The following FKBP11 variants were observed in gnomAD, a reference collection of about 807,000 sequenced individuals.
FKBP11 encodes the protein FKBP prolyl isomerase 11.
In FKBP11, 21 loss-of-function variants were observed where a neutral mutation model predicts 24.7. That is an observed-to-expected ratio of 0.85 (90% CI 0.60 to 1.23). The LOEUF (loss-of-function observed/expected upper bound fraction) is 1.23, where lower values mean the gene tolerates loss of function less well. Among genes scored for constraint, FKBP11 ranks in the 50% most tolerant of loss-of-function variants. The pLI, the probability that FKBP11 is intolerant of heterozygous loss-of-function variation, is 0.00. For missense variants in FKBP11, 245 were observed against 248.7 expected (o/e 0.99, Z 0.10); for synonymous variants, 106 against 100.6 (o/e 1.05, Z -0.32).
chr12:48,924,220 C>G lies in FKBP11; in HGVS notation c.317+3G>C. 4 of 1,613,492 alleles carry G rather than the reference C, an allele frequency of 2.5e-6. No individual in the cohort carries two copies. Among genetic ancestry groups the G allele is most frequent in the Non-Finnish European group, 3.4e-6 (4 of 1,179,350 alleles). ...CCAGGCCCACCCCTGCCGAGATACTCACCCCACACACATGTCGAGAAGACT... is the reference window on the plus strand; with the variant it reads ...CCAGGCCCACCCCTGCCGAGATACTGACCCCACACACATGTCGAGAAGACT... On this transcript the variant is annotated splice_donor_region_variant and intron_variant, in intron 4 of 5. Coordinates refer to ENST00000550765, the MANE Select transcript of FKBP11 (RefSeq NM_016594.3).
At chr12:48,923,241 T>A (rs528814785) in intron 5 of FKBP11, 9 of 1,334,672 alleles carry the variant, frequency 6.7e-6, no homozygotes, top group African/African-American at 2.9e-5. Flanking sequence ...GCAAAAGATA[T>A]GCATCTTGGG....
chr12:48,930,170 A>C (rs537825047), upstream of FKBP11, among the ~76,000 whole-genome samples: 168 of 152,270 alleles, frequency 1.1e-3, no homozygotes, highest in Non-Finnish European at 2.2e-3. Context: ...AGAAGCCATT[A>C]AAAGGAGATC....
At chr12:48,928,575 G>A (rs1037359394), upstream of FKBP11, among the ~76,000 whole-genome samples, 2 of 152,040 alleles carry the variant, frequency 1.3e-5, no homozygotes, top group Non-Finnish European at 2.9e-5. Context: ...CACCTCCCAG[G>A]TTCAGGCAAT....
At chr12:48,932,249 ATATATATATATATTTTTTTTTTTT>A in the FKBP11 span, among the ~76,000 whole-genome samples, 135 of 36,906 alleles carry the variant, frequency 3.7e-3, 3 homozygotes, top group Non-Finnish European at 5.0e-3. Context: ...ATATATATAT[ATATATATATATATTTTTTTTTTTT>A]TTTTTTTTTT....
At chr12:48,931,285 G>A (rs1940047150), upstream of FKBP11, 2 of 697,544 alleles carry the variant, frequency 2.9e-6, no homozygotes, top group Non-Finnish European at 4.8e-6. Flanking sequence ...TGGTGAAGGT[G>A]GAAGGCTATT....
the FKBP11 span, chr12:48,938,535 G>T: frequency 6.6e-6 from 3 of 455,344 alleles, no homozygotes; most frequent in South Asian, 4.7e-5. Context: ...AAAACAGGGA[G>T]AGGGTGGCAA....
chr12:48,931,266 C>G (rs549321727), upstream of FKBP11: 5 of 636,144 alleles, frequency 7.9e-6, no homozygotes, highest in Admixed American at 1.2e-4. Context: ...TCAGCAGACT[C>G]GAACAGTGTG....
chr12:48,933,781 C>A, the FKBP11 span, among the ~76,000 whole-genome samples: 1 of 150,242 alleles, frequency 6.7e-6, no homozygotes, highest in Non-Finnish European at 1.5e-5. Context: ...GCACAAGAAT[C>A]GCTTGAACCT....
rs760780010 is a variant in FKBP11 at position 48,923,805 on chromosome 12, C to T, written c.365G>A (p.Arg122Gln). 1.1e-5 allele frequency: 17 copies of T among 1,614,030 alleles called. No homozygotes were observed. Among genetic ancestry groups the T allele is most frequent in the South Asian group, 6.6e-5 (6 of 91,078 alleles). The change falls in exon 5 of 6, where the codon CGG (arginine) becomes CAG (glutamine). Residue 122 changes from arginine to glutamine, a missense_variant. Physicochemically the swap from Arg to Gln is conservative, Grantham distance 43 (BLOSUM62 1). Transcript: ENST00000550765. ...IIPSHLAYGK[R>Q]GFPPSVPADA... ...ACCTGGGACAGATGGTGGAAATCCCCGTTTTCCATAGGCCAAGTGAGAAGG... is the reference window on the plus strand; with the variant it reads ...ACCTGGGACAGATGGTGGAAATCCCTGTTTTCCATAGGCCAAGTGAGAAGG...
At chr12:48,928,967 C>T (rs1940015853), upstream of FKBP11, among the ~76,000 whole-genome samples, 2 of 150,966 alleles carry the variant, frequency 1.3e-5, no homozygotes, top group South Asian at 2.1e-4. Flanking sequence ...GGACTACAGG[C>T]GCCCGCCATC....
At chr12:48,925,709 C>A, upstream of FKBP11, 1 of 482,604 alleles carries the variant, frequency 2.1e-6, no homozygotes, top group Non-Finnish European at 3.8e-6. Context: ...AACAATAGCA[C>A]CCATTTACGA....
At chr12:48,924,925 G>C (rs1939924214) in intron 2 of FKBP11, 121 bp downstream of exon 2, 1 of 1,437,152 alleles carries the variant, frequency 7.0e-7, no homozygotes, top group Non-Finnish European at 9.2e-7. Context: ...CGTGCTCGAC[G>C]ACCCCAGAGC....
chr12:48,923,725 A>G (rs1939888359), intron 5 of FKBP11, 57 bp downstream of exon 5: 1 of 1,589,746 alleles, frequency 6.3e-7, no homozygotes, highest in African/African-American at 1.3e-5. Flanking sequence ...ATAGCTCCTT[A>G]TAGCTCTTAG....
chr12:48,925,791 A>C, upstream of FKBP11: 1 of 257,362 alleles, frequency 3.9e-6, no homozygotes, highest in South Asian at 6.5e-5. Flanking sequence ...GATTGTTTCC[A>C]TTTTACAGAT....
In FKBP11 at chr12:48,921,985, T is replaced by C; in HGVS notation, c.605A>G (p.Ter202=). Residue 202 remains the stop codon, a stop_retained_variant, in exon 6 of 6, where the codon TAA becomes TGA. Transcript: ENST00000550765. ...EEKRNKSKKK[*] is the part of the protein sequence containing the mutation. ...AAGTTTTTTAAAATTTATTATTTAT[T>C]ATTTCTTTTTGCTCTTGTTTCGTTT... 1.3e-6 allele frequency: 2 copies of C among 1,580,482 alleles called. No individual in the cohort carries two copies. The highest frequency in any genetic ancestry group is 1.7e-6 in the Non-Finnish European group (2 of 1,167,830).
chr12:48,935,526 G>A, the FKBP11 span, among the ~76,000 whole-genome samples: 2 of 152,140 alleles, frequency 1.3e-5, no homozygotes, highest in African/African-American at 4.8e-5. Flanking sequence ...GCCAGACACT[G>A]GTAGCAGGGG....
Position 48,922,072 on chromosome 12 carries a change from C to T in FKBP11, c.518G>A (p.Gly173Glu). 6.2e-7 allele frequency: 1 copy of T among 1,613,896 alleles called. No homozygotes were observed. Among genetic ancestry groups the T allele is most frequent in the East Asian group, 2.2e-5 (1 of 44,864 alleles). ...AMVPALLGLI[G>E]YHLYRKANRP... ...ATTGGCCTTTCTGTATAGGTGATAC[C>T]CAATGAGGCCCAGGAGGGCTGGCAC... Residue 173 changes from glycine (G) to glutamate (E), a missense_variant, in exon 6 of 6, where the codon GGG becomes GAG. Coordinates refer to ENST00000550765, the MANE Select transcript of FKBP11 (RefSeq NM_016594.3).
intron 4 of FKBP11, 120 bp from the exon 5 acceptor site, chr12:48,923,972 C>T: frequency 9.6e-7 from 1 of 1,047,108 alleles, no homozygotes; most frequent in East Asian, 2.4e-5. Flanking sequence ...CGAATTTTTC[C>T]ACCTGAACAC....
At chr12:48,931,128 TAAAAAAA>T (rs35482677), upstream of FKBP11, among the ~76,000 whole-genome samples, 46 of 36,206 alleles carry the variant, frequency 1.3e-3, no homozygotes, top group Admixed American at 2.0e-3. Flanking sequence ...GACTCCAGCT[TAAAAAAA>T]AAAAAAAAAA....
Sources: gnomAD v4.1 joint callset for allele counts (sites outside exome capture counted in the v4.1 genomes callset) on GRCh38, gnomAD v4.1.1 for gene constraint, MANE v1.5 for transcripts, NCBI Gene and HGNC (gene_info 2026-07-23, HGNC 2026-07-21) for gene names.